The following KAZN variants were observed in gnomAD, a reference collection of about 807,000 sequenced individuals.
KAZN encodes kazrin, periplakin interacting protein, also known as kazrin.
Under a neutral mutation model 87.4 loss-of-function variants are expected in KAZN, and 40 were observed. The observed-to-expected ratio is 0.46, with a 90% CI of 0.36 to 0.60. KAZN has a LOEUF of 0.60. Ranked by LOEUF, KAZN falls within the 20% of genes least tolerant of loss-of-function variation. The pLI is 0.00. For missense variants in KAZN, 898 were observed against 1,073.9 expected (o/e 0.84, Z 2.29); for synonymous variants, 466 against 458.3 (o/e 1.02, Z -0.22).
chr1:14,474,139 G>T (rs1668598902), intron 2 of KAZN, among the ~76,000 whole-genome samples: 1 of 152,150 alleles, frequency 6.6e-6, no homozygotes, highest in African/African-American at 2.4e-5. Flanking sequence ...CTCCTAGAAG[G>T]TAGTGGGTGA....
At chr1:14,702,633 T>C (rs1193418386) in intron 1 of KAZN, among the ~76,000 whole-genome samples, 1 of 152,100 alleles carries the variant, frequency 6.6e-6, no homozygotes, top group Non-Finnish European at 1.5e-5. Flanking sequence ...CAGAGTATCG[T>C]GTATCGATAG....
At chr1:14,736,359 C>T (rs1489737604) in intron 1 of KAZN, among the ~76,000 whole-genome samples, 1 of 146,622 alleles carries the variant, frequency 6.8e-6, no homozygotes, top group Non-Finnish European at 1.5e-5. Flanking sequence ...AATTCAATGG[C>T]GTGATCTCGG....
intron 2 of KAZN, among the ~76,000 whole-genome samples, chr1:14,369,528 G>A (rs1660300094): frequency 6.6e-6 from 1 of 152,186 alleles, no homozygotes; most frequent in Non-Finnish European, 1.5e-5. Flanking sequence ...AGGGAAGAGG[G>A]GCATTTAGAA....
intron 1 of KAZN, among the ~76,000 whole-genome samples, chr1:14,058,164 C>T (rs1642652547): frequency 6.6e-6 from 1 of 152,184 alleles, no homozygotes; most frequent in Non-Finnish European, 1.5e-5. Flanking sequence ...CACCTTCCCC[C>T]ACTATCCCAT....
At chr1:14,407,173 T>C (rs761642346) in intron 2 of KAZN, among the ~76,000 whole-genome samples, 11 of 152,232 alleles carry the variant, frequency 7.2e-5, no homozygotes, top group Non-Finnish European at 1.5e-4. Context: ...ATGTGGGTCA[T>C]TCCTCGTTTT....
At chr1:14,330,602 CTG>C (rs1382255531) in intron 2 of KAZN, among the ~76,000 whole-genome samples, 1 of 152,146 alleles carries the variant, frequency 6.6e-6, no homozygotes, top group African/African-American at 2.4e-5. Context: ...CCATCAGGGA[CTG>C]TGTCTCTCTG....
At chr1:13,945,708 TGTGA>T (rs1278441678) in intron 1 of KAZN, among the ~76,000 whole-genome samples, 31 of 134,618 alleles carry the variant, frequency 2.3e-4, no homozygotes, top group South Asian at 1.4e-3. Context: ...TGTGTGTGTG[TGTGA>T]GAGAGAGAGA....
intron 2 of KAZN, among the ~76,000 whole-genome samples, chr1:14,299,933 A>G (rs1181875752): frequency 6.6e-6 from 1 of 152,120 alleles, no homozygotes; most frequent in East Asian, 1.9e-4. Flanking sequence ...AGGCAATTAC[A>G]GTGGTGGGTG....
chr1:14,953,127 C>T (rs1208164524), intron 1 of KAZN, among the ~76,000 whole-genome samples: 2 of 152,250 alleles, frequency 1.3e-5, no homozygotes, highest in Non-Finnish European at 2.9e-5. Flanking sequence ...GTGAGCAGAA[C>T]AGAGTCCCTG....
At chr1:13,998,574 C>G (rs752526142) in intron 1 of KAZN, among the ~76,000 whole-genome samples, 7 of 151,464 alleles carry the variant, frequency 4.6e-5, no homozygotes, top group Non-Finnish European at 8.8e-5. Context: ...GGGTTGCAAT[C>G]CTAGTCTCTG....
chr1:14,026,648 A>AG (rs1570559549), intron 1 of KAZN, among the ~76,000 whole-genome samples: 1 of 152,332 alleles, frequency 6.6e-6, no homozygotes, highest in East Asian at 1.9e-4. Context: ...TAATGTGCTT[A>AG]GGAATCTCCT....
At chr1:14,342,920 C>A (rs777945304) in intron 2 of KAZN, among the ~76,000 whole-genome samples, 4 of 152,146 alleles carry the variant, frequency 2.6e-5, no homozygotes, top group Non-Finnish European at 5.9e-5. Flanking sequence ...TTGGGAGAAT[C>A]ACCTGAGGTC....
At chr1:14,131,297 C>A (rs1644987454) in intron 1 of KAZN, among the ~76,000 whole-genome samples, 3 of 152,128 alleles carry the variant, frequency 2.0e-5, no homozygotes, top group Non-Finnish European at 4.4e-5. Flanking sequence ...GGACACGTAG[C>A]CAAACCATAT....
At chr1:14,245,118 G>A (rs1303790076) in intron 2 of KAZN, among the ~76,000 whole-genome samples, 1 of 151,792 alleles carries the variant, frequency 6.6e-6, no homozygotes, top group African/African-American at 2.4e-5. Flanking sequence ...CCACCACCAC[G>A]CCTGGCTGAT....
At position 15,114,654 on chromosome 1, in the gene KAZN, A is replaced by C; in HGVS notation, c.*19A>C. 6.4e-7 allele frequency: 1 copy of C among 1,566,518 alleles called. No homozygotes were observed. The highest frequency in any genetic ancestry group is 8.7e-7 in the Non-Finnish European group (1 of 1,155,300). On this transcript the variant is annotated 3_prime_UTR_variant, in exon 15 of 15. Transcript: ENST00000376030. The stretch of plus-strand genomic sequence containing the variant: ...CGTGTAAGGAACTGGTGGCTCCACC[A>C]GACCCAACGTGAGAGACCCAGGAAG...
chr1:14,610,778 G>C (rs1204691488), intron 1 of KAZN, among the ~76,000 whole-genome samples: 2 of 151,882 alleles, frequency 1.3e-5, no homozygotes, highest in African/African-American at 4.8e-5. Flanking sequence ...GTATTCTTTG[G>C]GTACCGGAGC....
At chr1:14,672,352 A>G (rs1291638710) in intron 1 of KAZN, among the ~76,000 whole-genome samples, 1 of 152,202 alleles carries the variant, frequency 6.6e-6, no homozygotes, top group Non-Finnish European at 1.5e-5. Flanking sequence ...CGGCATTCAC[A>G]GCTGGGTTTT....
At chr1:14,863,750 G>C (rs1217693456) in intron 1 of KAZN, among the ~76,000 whole-genome samples, 1 of 152,144 alleles carries the variant, frequency 6.6e-6, no homozygotes, top group Non-Finnish European at 1.5e-5. Flanking sequence ...TTCATTTCAG[G>C]GGAAACTGAA....
At chr1:14,580,697 G>C (rs1363603482) in intron 2 of KAZN, among the ~76,000 whole-genome samples, 1 of 151,928 alleles carries the variant, frequency 6.6e-6, no homozygotes, top group Admixed American at 6.6e-5. Context: ...TTTTAAGCAG[G>C]TTTTATGCTG....
Sources: allele counts gnomAD v4.1 joint callset (sites outside exome capture counted in the v4.1 genomes callset), GRCh38; gene constraint gnomAD v4.1.1; transcripts MANE v1.5; gene names NCBI Gene and HGNC (gene_info 2026-07-23, HGNC 2026-07-21).